Variants in CBFA2T3 observed in about 807,000 individuals in gnomAD.
The protein encoded by CBFA2T3 is CBFA2/RUNX1 partner transcriptional co-repressor 3, also known as transcriptional corepressor CBFA2T3.
A neutral mutation model predicts 58.6 loss-of-function variants in CBFA2T3; 31 were observed. The observed-to-expected ratio is 0.53, with a 90% confidence interval of 0.40 to 0.71. CBFA2T3 has a LOEUF of 0.71. Among genes scored for constraint, CBFA2T3 ranks in the 30% least tolerant of loss-of-function variants. The pLI is 0.00. For missense variants in CBFA2T3, 1,076 were observed against 963.1 expected (o/e 1.12, Z -1.55); for synonymous variants, 531 against 421.9 (o/e 1.26, Z -3.17).
intron 1 of CBFA2T3, among the ~76,000 whole-genome samples, chr16:88,931,841 T>C (rs1180366743): frequency 6.6e-6 from 1 of 151,984 alleles, no homozygotes; most frequent in Non-Finnish European, 1.5e-5. Context: ...ATAAAAGCTC[T>C]CAAGGGGTCA....
chr16:88,957,972 A>G (rs1441869125), intron 1 of CBFA2T3, among the ~76,000 whole-genome samples: 1 of 152,178 alleles, frequency 6.6e-6, no homozygotes, highest in African/African-American at 2.4e-5. Flanking sequence ...TGTACTTGAG[A>G]TGGGTGAGTT....
In CBFA2T3 at chr16:88,909,979, TCCACGGCGGCTC is replaced by T. The variant is rs565914295; in HGVS notation, c.152-8335_152-8324del. On this transcript the variant is annotated intron_variant, in intron 1 of 11. Coordinates refer to ENST00000268679, the MANE Select transcript of CBFA2T3 (RefSeq NM_005187.6). ...CCTCCAACACATTTCCCAAGAGCTGTCCACGGCGGCTCCCACGGCGGCTCCCCAGCTGCTTGG... is the reference window on the plus strand; with the variant it reads ...CCTCCAACACATTTCCCAAGAGCTGTCCACGGCGGCTCCCCAGCTGCTTGG... Among the ~76,000 whole-genome samples the T allele has an allele frequency of 3.6e-4, 55 of 152,260 alleles. No individual in the cohort carries two copies. In the East Asian group the frequency reaches 4.1e-3, roughly 11 times the overall value.
At chr16:88,905,682 AGGGGCGGGGCTG>A (rs1970288564) in intron 1 of CBFA2T3, among the ~76,000 whole-genome samples, 1 of 72,962 alleles carries the variant, frequency 1.4e-5, no homozygotes, top group Non-Finnish European at 2.7e-5. Flanking sequence ...GGGCTGAAGG[AGGGGCGGGGCTG>A]AAGGAGGGGC....
intron 1 of CBFA2T3, among the ~76,000 whole-genome samples, chr16:88,972,246 C>T (rs2142887589): frequency 6.6e-6 from 1 of 152,218 alleles, no homozygotes; most frequent in South Asian, 2.1e-4. Context: ...CTTATGGGAC[C>T]TGGAAAGCTG....
chr16:88,928,375 C>T (rs974980589), intron 1 of CBFA2T3, among the ~76,000 whole-genome samples: 4 of 152,214 alleles, frequency 2.6e-5, no homozygotes, highest in East Asian at 1.9e-4. Flanking sequence ...GGAGTCACAA[C>T]GCCAGGTCAC....
At chr16:88,901,892 G>A (rs1970113265) in intron 1 of CBFA2T3, among the ~76,000 whole-genome samples, 1 of 152,276 alleles carries the variant, frequency 6.6e-6, no homozygotes, top group African/African-American at 2.4e-5. Flanking sequence ...GGCTGGAGCT[G>A]GGGCCCTCGG....
chr16:88,914,399 T>A (rs1274951803), intron 1 of CBFA2T3, among the ~76,000 whole-genome samples: 1 of 152,216 alleles, frequency 6.6e-6, no homozygotes, highest in East Asian at 1.9e-4. Context: ...CGAGCATACA[T>A]TTAATTGCAA....
intron 1 of CBFA2T3, among the ~76,000 whole-genome samples, chr16:88,949,332 G>A (rs945809927): frequency 3.9e-5 from 6 of 152,166 alleles, no homozygotes; most frequent in African/African-American, 1.2e-4. Context: ...GCCGAGGAGG[G>A]CAGATCACTT....
chr16:88,947,518 A>G (rs181207345), intron 1 of CBFA2T3, among the ~76,000 whole-genome samples: 3 of 152,308 alleles, frequency 2.0e-5, no homozygotes, highest in East Asian at 1.9e-4. Context: ...ACATTTTCCT[A>G]TGTTAAAATT....
In CBFA2T3 at chr16:88,896,706, C is replaced by T. The variant is rs558434946; in HGVS notation, c.379+1372G>A. Among the ~76,000 whole-genome samples, 11 of 152,302 alleles carry T rather than the reference C, an allele frequency of 7.2e-5. 1 individual carries two copies. Among genetic ancestry groups the T allele is most frequent in the East Asian group, 1.9e-4 (1 of 5,178 alleles). On this transcript the variant is annotated intron_variant, in intron 3 of 11. Coordinates refer to ENST00000268679, the MANE Select transcript of CBFA2T3 (RefSeq NM_005187.6). ...GCGGGAGGCTGGTTTCTCCAGAACA[C>T]GAGGGACTGTCGTCAGGACTGTGGA...
intron 1 of CBFA2T3, among the ~76,000 whole-genome samples, chr16:88,934,481 C>T (rs187555708): frequency 4.6e-4 from 70 of 152,394 alleles, no homozygotes; most frequent in African/African-American, 1.7e-3. Context: ...GGGTCTCAGC[C>T]ACACACCTGG....
chr16:88,880,457 C>A (rs1401308578), intron 10 of CBFA2T3, among the ~76,000 whole-genome samples: 2 of 152,250 alleles, frequency 1.3e-5, no homozygotes, highest in African/African-American at 4.8e-5. Flanking sequence ...TGCGTGCCCT[C>A]CTGGGTGTGC....
At chr16:88,963,313 G>T (rs900631970) in intron 1 of CBFA2T3, among the ~76,000 whole-genome samples, 1 of 151,890 alleles carries the variant, frequency 6.6e-6, no homozygotes. Flanking sequence ...CTTCTGCCAG[G>T]GGCGGGCGCT....
chr16:88,925,335 G>A lies in CBFA2T3; in HGVS notation c.152-23679C>T, dbSNP rs185239814. ...CCTGCTCTGCTGCTCCCTCCTGAGC[G>A]GTGCCTTCCGGGTACCCTGACTCAT... is the stretch of plus-strand genomic sequence containing the variant. On this transcript the variant is annotated intron_variant, in intron 1 of 11. Transcript: ENST00000268679. 4.2e-3 allele frequency among the ~76,000 whole-genome samples: 637 copies of A among 152,338 alleles called. 7 individuals are homozygous for A. Among genetic ancestry groups the A allele is most frequent in the African/African-American group, 0.015 (611 of 41,582 alleles).
chr16:88,875,274 G>T lies in CBFA2T3; in HGVS notation c.*1702C>A, dbSNP rs1442499025. Reference sequence around the variant, plus strand: ...CTGTCCTTGTACTCGGTGCAAGCATGAATTTCTTTATCCCTTTATTTCCTT... The same window carrying T: ...CTGTCCTTGTACTCGGTGCAAGCATTAATTTCTTTATCCCTTTATTTCCTT... On this transcript the variant is annotated 3_prime_UTR_variant, in exon 12 of 12. Transcript: ENST00000268679. The T allele has an allele frequency of 5.6e-6, 1 of 177,192 alleles. No individual in the cohort carries two copies. The highest frequency in any genetic ancestry group is 1.1e-4 in the East Asian group (1 of 8,914). The allele number at this position is 177,192 out of a possible 1,614,324, so 11.0% of individuals were successfully genotyped here.
At chr16:88,969,402 G>C (rs1972592625) in intron 1 of CBFA2T3, among the ~76,000 whole-genome samples, 1 of 152,236 alleles carries the variant, frequency 6.6e-6, no homozygotes, top group African/African-American at 2.4e-5. Flanking sequence ...TGGGAGGCCT[G>C]GTGTCTGCAG....
chr16:88,879,543 G>A, intron 10 of CBFA2T3, 83 bp from the exon 11 acceptor site: 1 of 1,270,294 alleles, frequency 7.9e-7, no homozygotes, highest in Non-Finnish European at 1.1e-6. Context: ...GCCACAACCT[G>A]GGGACAGGGG....
intron 1 of CBFA2T3, 50 bp downstream of exon 1, chr16:88,976,607 G>A (rs1051925431): frequency 5.7e-5 from 81 of 1,410,612 alleles, no homozygotes; most frequent in Middle Eastern, 2.4e-4. Context: ...CCCCGGCACC[G>A]GCTGCCGCTC....
chr16:88,943,175 T>A (rs1013035527), intron 1 of CBFA2T3, among the ~76,000 whole-genome samples: 1 of 152,094 alleles, frequency 6.6e-6, no homozygotes, highest in Non-Finnish European at 1.5e-5. Context: ...GGTGGGAGAA[T>A]TCAGCAGCGA....
Sources: gnomAD v4.1 joint callset for allele counts (sites outside exome capture counted in the v4.1 genomes callset) on GRCh38, gnomAD v4.1.1 for gene constraint, MANE v1.5 for transcripts, NCBI Gene and HGNC (gene_info 2026-07-23, HGNC 2026-07-21) for gene names.